Variants in NIPBL observed in about 807,000 individuals in gnomAD.
NIPBL encodes the protein NIPBL cohesin loading factor.
A neutral mutation model predicts 321.8 loss-of-function variants in NIPBL; 19 were observed. The observed-to-expected ratio is 0.06, with a 90% CI of 0.04 to 0.09. The LOEUF (loss-of-function observed/expected upper bound fraction) is 0.09, where lower values mean the gene tolerates loss of function less well. Ranked by LOEUF, NIPBL falls within the 10% of genes least tolerant of loss-of-function variation. The pLI is 1.00. For missense variants in NIPBL, 2,210 were observed against 3,327.0 expected (o/e 0.66, Z 8.26); for synonymous variants, 1,106 against 1,114.1 (o/e 0.99, Z 0.14).
At chr5:37,058,821 G>T in intron 43 of NIPBL, 70 bp from the exon 44 acceptor site, 2 of 1,416,540 alleles carry the variant, frequency 1.4e-6, no homozygotes, top group South Asian at 2.4e-5. Flanking sequence ...TCAAGCTGTT[G>T]AATGGAGCAT....
intron 36 of NIPBL, 33 bp from the exon 37 acceptor site, chr5:37,045,410 A>C: frequency 6.8e-7 from 1 of 1,468,826 alleles, no homozygotes. Context: ...TCAAAGATAA[A>C]TATTATAAGT....
intron 1 of NIPBL, among the ~76,000 whole-genome samples, chr5:36,942,222 C>T (rs1739165866): frequency 1.3e-5 from 2 of 151,522 alleles, no homozygotes; most frequent in Non-Finnish European, 2.9e-5. Flanking sequence ...CACCTCAGGT[C>T]AGGAGTTTGA....
intron 1 of NIPBL, chr5:36,885,312 A>T: frequency 4.1e-6 from 2 of 492,222 alleles, no homozygotes; most frequent in African/African-American, 2.0e-5. Flanking sequence ...GCCAGCGTCT[A>T]TGCAGGCGCC....
intron 45 of NIPBL, among the ~76,000 whole-genome samples, chr5:37,061,335 T>C (rs1401744443): frequency 6.6e-6 from 1 of 151,876 alleles, no homozygotes; most frequent in Admixed American, 6.6e-5. Context: ...TTGGTTCCAG[T>C]CCCCCCATGG....
In NIPBL at chr5:36,986,251, C is replaced by A; in HGVS notation, c.3071C>A (p.Ser1024Ter). The A allele has an allele frequency of 1.9e-6, 3 of 1,557,878 alleles. No individual in the cohort carries two copies. In the South Asian group the frequency reaches 3.8e-5, roughly 20 times the overall value. ...QKLIKDREDKSRSSLKPIKNK... is the reference protein window; with the variant it reads ...QKLIKDREDK The stretch of plus-strand genomic sequence containing the variant: ...CTTATTAAAGATAGAGAGGACAAAT[C>A]AAGAAGTTCCCTTAAACCTATCAAG... The change falls in exon 10 of 47, where the codon TCA (serine) becomes TAA (stop). Residue 1024 changes from serine to a stop codon, truncating the protein, a stop_gained. Coordinates refer to ENST00000282516, the MANE Select transcript of NIPBL (RefSeq NM_133433.4). LOFTEE classifies it high-confidence loss of function.
chr5:36,966,228 G>A (rs1742190304), intron 6 of NIPBL, among the ~76,000 whole-genome samples: 1 of 151,974 alleles, frequency 6.6e-6, no homozygotes, highest in African/African-American at 2.4e-5. Flanking sequence ...TTAATCTAAA[G>A]CAATCTTACA....
chr5:36,992,098 G>C (rs975435536), intron 10 of NIPBL, among the ~76,000 whole-genome samples: 2 of 152,088 alleles, frequency 1.3e-5, no homozygotes, highest in African/African-American at 4.8e-5. Flanking sequence ...CCAGAGTATA[G>C]AGTGCACTGT....
intron 45 of NIPBL, among the ~76,000 whole-genome samples, chr5:37,062,707 T>C (rs1754870751): frequency 6.6e-6 from 1 of 152,104 alleles, no homozygotes; most frequent in Non-Finnish European, 1.5e-5. Context: ...TTTGCTTGAG[T>C]CCAGGAAGTC....
At chr5:36,943,360 A>G (rs1296495063) in intron 1 of NIPBL, among the ~76,000 whole-genome samples, 1 of 152,194 alleles carries the variant, frequency 6.6e-6, no homozygotes, top group Admixed American at 6.5e-5. Context: ...ACCAAAAACT[A>G]GTAAACATTG....
chr5:36,885,764 G>A (rs1745851010), intron 1 of NIPBL: 1 of 616,090 alleles, frequency 1.6e-6, no homozygotes, highest in Non-Finnish European at 3.0e-6. Flanking sequence ...GCTCTGCAAG[G>A]TCATTGATGA....
At chr5:36,943,428 A>G (rs1055348043) in intron 1 of NIPBL, among the ~76,000 whole-genome samples, 2 of 152,172 alleles carry the variant, frequency 1.3e-5, no homozygotes, top group African/African-American at 4.8e-5. Flanking sequence ...TTTGTAGATC[A>G]TAATGCTCAA....
intron 9 of NIPBL, among the ~76,000 whole-genome samples, chr5:36,980,958 A>G (rs1744068299): frequency 6.6e-6 from 1 of 151,680 alleles, no homozygotes; most frequent in South Asian, 2.1e-4. Context: ...AGGTGAGGTC[A>G]TAAATAAAAG....
chr5:36,895,371 G>T (rs1374381740), intron 1 of NIPBL, among the ~76,000 whole-genome samples: 1 of 152,188 alleles, frequency 6.6e-6, no homozygotes, highest in Non-Finnish European at 1.5e-5. Flanking sequence ...TTTGTCGCTT[G>T]ATGGACGCAT....
In NIPBL at chr5:36,892,759, G is replaced by A. The variant is rs1001187693; in HGVS notation, c.-80+15581G>A. Among the ~76,000 whole-genome samples, 47 of 152,046 alleles carry A rather than the reference G, an allele frequency of 3.1e-4. 1 individual carries two copies. Among genetic ancestry groups the A allele is most frequent in the Middle Eastern group, 3.4e-3 (1 of 294 alleles). On this transcript the variant is annotated intron_variant, in intron 1 of 46. Transcript: ENST00000282516. ...ACAGTGAGAACCCTTGGACACAGGA[G>A]GGGGAACATCACACACCAGGGACTG...
At chr5:36,895,615 C>T in intron 1 of NIPBL, among the ~76,000 whole-genome samples, 1 of 152,140 alleles carries the variant, frequency 6.6e-6, no homozygotes, top group East Asian at 1.9e-4. Context: ...TACATCCTCA[C>T]CAACACTTGT....
rs781253801 is a variant in NIPBL, at chr5:37,007,480, A to G, written c.4239+6A>G. The G allele has an allele frequency of 6.2e-7, 1 of 1,602,746 alleles. No individual in the cohort carries two copies. The highest frequency in any genetic ancestry group is 8.5e-7 in the Non-Finnish European group (1 of 1,171,150). ...CAGACACAACAATTCTTCAGGTAAG[A>G]TTTTTTGGTAAGCATTTTGTATATT... On this transcript the variant is annotated splice_donor_region_variant and intron_variant, in intron 18 of 46. Transcript: ENST00000282516.
chr5:36,952,061 CGCGCGCGCGCGCATGTGTGTGT>C (rs1740414495), intron 1 of NIPBL, among the ~76,000 whole-genome samples: 1 of 87,124 alleles, frequency 1.1e-5, no homozygotes, highest in Non-Finnish European at 2.3e-5. Flanking sequence ...TGTGCGCGCG[CGCGCGCGCGCGCATGTGTGTGT>C]GTAGCAGTTT....
At chr5:36,952,053 T>TGTGTGTGTGTGTGTGTGTGTGTGCGCGC (rs778597604) in intron 1 of NIPBL, among the ~76,000 whole-genome samples, 8 of 112,106 alleles carry the variant, frequency 7.1e-5, no homozygotes, top group East Asian at 3.5e-4. Context: ...TGTGTGTGTG[T>TGTGTGTGTGTGTGTGTGTGTGTGCGCGC]GCGCGCGCGC....
At chr5:36,981,412 A>T (rs776562739) in intron 9 of NIPBL, among the ~76,000 whole-genome samples, 17 of 151,676 alleles carry the variant, frequency 1.1e-4, no homozygotes, top group Admixed American at 2.6e-4. Context: ...CAGAAGAAAG[A>T]CATTTTTCTA....
Sources: gnomAD v4.1 joint callset for allele counts (sites outside exome capture counted in the v4.1 genomes callset) on GRCh38, gnomAD v4.1.1 for gene constraint, MANE v1.5 for transcripts, NCBI Gene and HGNC (gene_info 2026-07-23, HGNC 2026-07-21) for gene names.